Variants in UBE4B observed in about 807,000 individuals in gnomAD.
The protein encoded by UBE4B is ubiquitin conjugation factor E4 B.
Under a neutral mutation model 148.1 loss-of-function variants are expected in UBE4B, and 27 were observed. The observed-to-expected ratio is 0.18, with a 90% CI of 0.13 to 0.25. The LOEUF (loss-of-function observed/expected upper bound fraction) is 0.25. Ranked by LOEUF, UBE4B falls within the 10% of genes least tolerant of loss-of-function variation. The pLI is 1.00. For missense variants in UBE4B, 1,170 were observed against 1,662.4 expected (o/e 0.70, Z 5.15); for synonymous variants, 596 against 619.3 (o/e 0.96, Z 0.56).
intron 19 of UBE4B, 67 bp from the exon 20 acceptor site, chr1:10,149,117 A>G: frequency 8.8e-7 from 1 of 1,138,768 alleles, no homozygotes; most frequent in Non-Finnish European, 1.3e-6. Flanking sequence ...ATGGTAATGT[A>G]ATACTCCTTG....
chr1:10,078,776 G>A (rs1347678440), intron 2 of UBE4B, among the ~76,000 whole-genome samples: 1 of 151,990 alleles, frequency 6.6e-6, no homozygotes, highest in Non-Finnish European at 1.5e-5. Context: ...TAGGTCTAGT[G>A]GAATAGGTCT....
intron 25 of UBE4B, among the ~76,000 whole-genome samples, chr1:10,174,147 G>A (rs1438096678): frequency 8.5e-5 from 13 of 152,188 alleles, no homozygotes; most frequent in Admixed American, 7.9e-4. Context: ...TGTAATCCCA[G>A]CACTTTGGGA....
chr1:10,136,929 AAAT>A (rs759578486), intron 16 of UBE4B, 135 bp from the exon 17 acceptor site: 58 of 1,004,456 alleles, frequency 5.8e-5, no homozygotes, highest in Non-Finnish European at 7.6e-5. Flanking sequence ...TCAAATAAAT[AAAT>A]AAATAAATAA....
At chr1:10,100,196 A>C (rs10864442) in intron 3 of UBE4B, among the ~76,000 whole-genome samples, 100,537 of 151,982 alleles carry the variant, frequency 0.66, 37,208 homozygotes, top group Non-Finnish European at 0.82. Flanking sequence ...TCACCATGTT[A>C]GCCAGGATGG....
At chr1:10,110,219 G>A (rs932201334) in intron 7 of UBE4B, among the ~76,000 whole-genome samples, 1 of 152,212 alleles carries the variant, frequency 6.6e-6, no homozygotes, top group Admixed American at 6.5e-5. Context: ...CTTTTTGGAA[G>A]TAGTTGGGAC....
In UBE4B at chr1:10,033,567, G is replaced by T; in HGVS notation, c.-104G>T. On this transcript the variant is annotated 5_prime_UTR_variant, in exon 1 of 28. Coordinates refer to ENST00000343090, the MANE Select transcript of UBE4B (RefSeq NM_001105562.3). ...AATTCTGAAACCTCCCCCATTCGGGGGACCAGACAGCCTGATAGACACCTT... is the reference window on the plus strand; with the variant it reads ...AATTCTGAAACCTCCCCCATTCGGGTGACCAGACAGCCTGATAGACACCTT... The T allele has an allele frequency of 1.5e-6, 2 of 1,336,932 alleles. No individual in the cohort carries two copies. Among genetic ancestry groups the T allele is most frequent in the Non-Finnish European group, 2.0e-6 (2 of 1,013,612 alleles). The allele number at this position is 1,336,932 out of a possible 1,614,324, so 82.8% of individuals were successfully genotyped here.
chr1:10,072,165 T>G lies in UBE4B; in HGVS notation c.162T>G (p.Gly54=), dbSNP rs1454466052. Residue 54 remains glycine (G), a synonymous_variant, in exon 2 of 28, where the codon GGT becomes GGG. Coordinates refer to ENST00000343090, the MANE Select transcript of UBE4B (RefSeq NM_001105562.3). The part of the protein sequence containing the change: ...ASAPGPSQSL[G]LNVHNMTPAT... ...CCCCAGGACCCTCTCAGAGTCTTGG[T>G]CTCAATGTCCACAACATGACCCCAG... 25 of 1,613,922 alleles carry G rather than the reference T, an allele frequency of 1.5e-5. No individual in the cohort carries two copies. The highest frequency in any genetic ancestry group is 2.1e-5 in the Non-Finnish European group (25 of 1,179,942).
At chr1:10,166,941 TCACACACACACACACACA>T (rs559608777) in intron 23 of UBE4B, among the ~76,000 whole-genome samples, 1 of 131,304 alleles carries the variant, frequency 7.6e-6, no homozygotes, top group Non-Finnish European at 1.6e-5. Flanking sequence ...AATAAATAAA[TCACACACACACACACACA>T]CACACACACA....
intron 9 of UBE4B, 79 bp downstream of exon 9, chr1:10,119,692 T>C (rs1428931658): frequency 2.3e-6 from 3 of 1,291,106 alleles, no homozygotes; most frequent in Non-Finnish European, 3.3e-6. Context: ...CTCTGGCCAT[T>C]CTTGCACCAC....
intron 17 of UBE4B, among the ~76,000 whole-genome samples, chr1:10,140,008 A>G (rs1235963412): frequency 6.6e-6 from 1 of 152,222 alleles, no homozygotes; most frequent in Non-Finnish European, 1.5e-5. Flanking sequence ...GGTGTGAGCC[A>G]CTGCACCCGG....
rs1645579427 is a variant in UBE4B, at chr1:10,130,718, A to G, written c.1816A>G (p.Lys606Glu). Reference protein sequence around the residue: ...SFSVFAEDDVKVVEKYFSGPA... With the variant: ...SFSVFAEDDVEVVEKYFSGPA... ...CATTTTTTCCTTCTCTTTCCAGGTT[A>G]AAGTGGTTGAAAAATACTTCTCAGG... Residue 606 changes from lysine (K) to glutamate (E), a missense_variant, in exon 14 of 28, where the codon AAA (lysine) becomes GAA (glutamate). Coordinates refer to ENST00000343090, the MANE Select transcript of UBE4B (RefSeq NM_001105562.3). 1 of 1,614,106 alleles carries G rather than the reference A, an allele frequency of 6.2e-7. No individual in the cohort carries two copies. The highest frequency in any genetic ancestry group is 8.5e-7 in the Non-Finnish European group (1 of 1,179,990).
At chr1:10,142,786 C>T (rs1418276022) in intron 17 of UBE4B, among the ~76,000 whole-genome samples, 4 of 152,130 alleles carry the variant, frequency 2.6e-5, no homozygotes, top group African/African-American at 2.4e-5. Context: ...CCCCACCCCA[C>T]CCCACCTTAC....
intron 2 of UBE4B, among the ~76,000 whole-genome samples, chr1:10,080,659 A>G (rs568159022): frequency 3.3e-5 from 5 of 152,294 alleles, no homozygotes; most frequent in Admixed American, 3.3e-4. Flanking sequence ...AAGCAACCTA[A>G]ATAATCCATC....
rs755996153 is a variant in UBE4B at position 10,106,444 on chromosome 1, C to A, written c.1057C>A (p.Pro353Thr). The change falls in exon 7 of 28, where the codon CCC becomes ACC. Residue 353 changes from proline (P) to threonine (T), a missense_variant. By Grantham distance (38) the Pro-to-Thr change is conservative. Coordinates refer to ENST00000343090, the MANE Select transcript of UBE4B (RefSeq NM_001105562.3). This position sits in a 1 kb window ranked among gnomAD's most constrained non-coding sequence, Gnocchi z 4.2. ...GVSILSSSPS[P>T]PALASSPQAV... ...CTCCATTCTGTCGAGCTCCCCAAGT[C>A]CCCCTGCCCTCGCCAGTAGCCCCCA... 2.4e-5 allele frequency: 39 copies of A among 1,613,720 alleles called. No homozygotes were observed. Among genetic ancestry groups the A allele is most frequent in the Non-Finnish European group, 3.2e-5 (38 of 1,179,902 alleles).
At chr1:10,134,015 A>G (rs1645636969) in intron 15 of UBE4B, among the ~76,000 whole-genome samples, 1 of 152,062 alleles carries the variant, frequency 6.6e-6, no homozygotes, top group African/African-American at 2.4e-5. Flanking sequence ...GCACCACTGC[A>G]CTACAGCCTG....
intron 15 of UBE4B, among the ~76,000 whole-genome samples, chr1:10,133,000 G>A (rs150823000): frequency 6.6e-6 from 1 of 152,192 alleles, no homozygotes; most frequent in East Asian, 1.9e-4. Flanking sequence ...AACTGTCATG[G>A]GAGGGTTTTC....
intron 7 of UBE4B, among the ~76,000 whole-genome samples, chr1:10,111,460 G>A (rs1028094976): frequency 6.6e-6 from 1 of 152,014 alleles, no homozygotes; most frequent in Non-Finnish European, 1.5e-5. Context: ...TCTATCAGAG[G>A]GTGGCCACTG....
At chr1:10,162,768 ACCCTCACTCCT>A (rs1646186235) in intron 23 of UBE4B, among the ~76,000 whole-genome samples, 1 of 151,532 alleles carries the variant, frequency 6.6e-6, no homozygotes. Flanking sequence ...GTAGTTTTCA[ACCCTCACTCCT>A]CCCTCACTCC....
chr1:10,159,906 A>G (rs1185758678), intron 22 of UBE4B, among the ~76,000 whole-genome samples: 1 of 152,236 alleles, frequency 6.6e-6, no homozygotes, highest in East Asian at 1.9e-4. Context: ...ATTGTGTTCC[A>G]GCTAAAGCCT....
Sources: allele counts gnomAD v4.1 joint callset (sites outside exome capture counted in the v4.1 genomes callset), GRCh38; gene constraint gnomAD v4.1.1; non-coding constraint Gnocchi (gnomAD v3.1); transcripts MANE v1.5; gene names NCBI Gene and HGNC (gene_info 2026-07-23, HGNC 2026-07-21).